STX2: variants seen among roughly 807,000 people sequenced by gnomAD.
STX2 encodes syntaxin-2.
In STX2, 27 loss-of-function variants were observed where a neutral mutation model predicts 40.6. That is an observed-to-expected ratio of 0.66 (90% CI 0.49 to 0.92). STX2 has a LOEUF of 0.92. Among genes scored for constraint, STX2 ranks in the 40% least tolerant of loss-of-function variants. The pLI, the probability that STX2 is intolerant of heterozygous loss-of-function variation, is 0.00. For missense variants in STX2, 328 were observed against 366.1 expected (o/e 0.90, Z 0.85); for synonymous variants, 123 against 119.1 (o/e 1.03, Z -0.22).
intron 10 of STX2, among the ~76,000 whole-genome samples, chr12:130,793,091 T>C (rs1360987873): frequency 6.6e-6 from 1 of 152,146 alleles, no homozygotes; most frequent in African/African-American, 2.4e-5. Context: ...ACCTAAGAAA[T>C]CCTGTTTGCT....
Position 130,801,182 on chromosome 12 carries a change from T to C in STX2, c.646A>G (p.Met216Val), listed in dbSNP as rs777817713. The C allele has an allele frequency of 5.0e-6, 8 of 1,613,810 alleles. No individual in the cohort carries two copies. The highest frequency in any genetic ancestry group is 1.3e-5 in the African/African-American group (1 of 75,058). Residue 216 changes from methionine to valine, a missense_variant, in exon 8 of 11, where the codon ATG becomes GTG. Transcript: ENST00000392373. ...TSIRELHEMF[M>V]DMAMFVETQG... is the part of the protein sequence containing the mutation. ...GTCTCCACAAACATAGCCATGTCCA[T>C]GAACATCTCATGCAACTCTCGGATG...
chr12:130,791,625 C>A lies in STX2; in HGVS notation c.*398G>T. On this transcript the variant is annotated 3_prime_UTR_variant, in exon 11 of 11. Coordinates refer to ENST00000392373, the MANE Select transcript of STX2 (RefSeq NM_194356.4). Reference sequence around the variant, plus strand: ...GAAATATTTTTAATATTAAAATGTTCAATATTTTCTTATTTCAAGGCCAGT... The same window carrying A: ...GAAATATTTTTAATATTAAAATGTTAAATATTTTCTTATTTCAAGGCCAGT... 3.6e-6 allele frequency: 1 copy of A among 278,780 alleles called. No individual in the cohort carries two copies. The highest frequency in any genetic ancestry group is 6.7e-6 in the Non-Finnish European group (1 of 150,252). The allele number at this position is 278,780 out of a possible 1,614,324, so 17.3% of individuals were successfully genotyped here. A position where few individuals can be genotyped will look rare whatever the true frequency, so the allele number is the denominator to read the frequency against.
chr12:130,825,313 A>G (rs533374419), intron 2 of STX2, among the ~76,000 whole-genome samples: 142 of 152,338 alleles, frequency 9.3e-4, no homozygotes, highest in African/African-American at 3.1e-3. Context: ...CTGGGAGCAC[A>G]GGCATGAGCC....
chr12:130,819,990 T>C (rs2136314486), intron 3 of STX2, among the ~76,000 whole-genome samples: 1 of 152,354 alleles, frequency 6.6e-6, no homozygotes, highest in East Asian at 1.9e-4. Context: ...ACAAGATACA[T>C]AAAATTTTAA....
At chr12:130,833,797 T>G (rs1952661103) in intron 1 of STX2, among the ~76,000 whole-genome samples, 1 of 152,204 alleles carries the variant, frequency 6.6e-6, no homozygotes. Flanking sequence ...AGACAACAGA[T>G]TCCAGTGGCA....
chr12:130,806,772 G>T (rs1044791574), intron 6 of STX2, among the ~76,000 whole-genome samples: 1 of 152,180 alleles, frequency 6.6e-6, no homozygotes, highest in South Asian at 2.1e-4. Flanking sequence ...ACAGCAATGA[G>T]CAAGGTAAAC....
At chr12:130,811,756 A>G (rs1951666716) in intron 4 of STX2, among the ~76,000 whole-genome samples, 1 of 151,998 alleles carries the variant, frequency 6.6e-6, no homozygotes, top group South Asian at 2.1e-4. Context: ...AGCCAGGATA[A>G]GTCTCGATCT....
Position 130,807,394 on chromosome 12 carries a change from GGCAGGTGGACCCCAGAGCCCGCGT to G in STX2, c.355-328_355-305del, listed in dbSNP as rs539076227. ...AAACACAGATCAGCACTGGGACCCA[GGCAGGTGGACCCCAGAGCCCGCGT>G]GCTTCATCGCCTTGTGCCCATGAGG... On this transcript the variant is annotated intron_variant, in intron 5 of 10. Transcript: ENST00000392373. Among the ~76,000 whole-genome samples the G allele has an allele frequency of 2.8e-3, 434 of 152,358 alleles. 2 individuals are homozygous for G. The highest frequency in any genetic ancestry group is 8.7e-3 in the African/African-American group (362 of 41,590).
chr12:130,826,485 G>GC (rs960010075), intron 2 of STX2, among the ~76,000 whole-genome samples: 4 of 152,182 alleles, frequency 2.6e-5, no homozygotes, highest in African/African-American at 7.2e-5. Context: ...TGCAGGCCCG[G>GC]CCCCAACCCA....
intron 6 of STX2, among the ~76,000 whole-genome samples, chr12:130,803,091 T>C (rs1296834694): frequency 6.6e-6 from 1 of 152,230 alleles, no homozygotes; most frequent in African/African-American, 2.4e-5. Context: ...TATTAAGAGA[T>C]TTACTTCTCA....
At chr12:130,819,917 A>G (rs2079553731) in intron 3 of STX2, among the ~76,000 whole-genome samples, 1 of 152,218 alleles carries the variant, frequency 6.6e-6, no homozygotes, top group Non-Finnish European at 1.5e-5. Context: ...CTCCAGAAAC[A>G]TTTTGGGAAA....
chr12:130,801,809 A>C (rs1475496284), intron 6 of STX2, among the ~76,000 whole-genome samples: 1 of 152,212 alleles, frequency 6.6e-6, no homozygotes, highest in Non-Finnish European at 1.5e-5. Flanking sequence ...ACTCCGCCTC[A>C]TGTAAAAGGG....
At chr12:130,832,597 G>A (rs924513167) in intron 1 of STX2, among the ~76,000 whole-genome samples, 2 of 152,158 alleles carry the variant, frequency 1.3e-5, no homozygotes, top group South Asian at 2.1e-4. Context: ...ACATGATCTC[G>A]CCCCAGGAAT....
chr12:130,797,519 C>T (rs1035461057), intron 9 of STX2, among the ~76,000 whole-genome samples: 1 of 152,040 alleles, frequency 6.6e-6, no homozygotes, highest in African/African-American at 2.4e-5. Context: ...TGTGCCCTGG[C>T]GGCTGAGCCT....
Position 130,828,637 on chromosome 12 carries a change from C to T in STX2, c.31-1370G>A, listed in dbSNP as rs545071603. The stretch of plus-strand genomic sequence containing the variant: ...ATCCCAGAACTTTGGGAGGCCGAGG[C>T]GGGTGGATCACGAGATCAGGAGATT... On this transcript the variant is annotated intron_variant, in intron 1 of 10. Transcript: ENST00000392373. Among the ~76,000 whole-genome samples the T allele has an allele frequency of 6.6e-5, 10 of 151,402 alleles. No individual in the cohort carries two copies. In the South Asian group the frequency reaches 1.9e-3, roughly 28 times the overall value.
At chr12:130,795,619 A>T (rs1466075508) in intron 10 of STX2, among the ~76,000 whole-genome samples, 1 of 152,212 alleles carries the variant, frequency 6.6e-6, no homozygotes, top group Non-Finnish European at 1.5e-5. Flanking sequence ...GCACGTCTGT[A>T]GTCCCAGCTA....
At chr12:130,818,936 G>C (rs1390871897) in intron 3 of STX2, among the ~76,000 whole-genome samples, 1 of 152,164 alleles carries the variant, frequency 6.6e-6, no homozygotes, top group African/African-American at 2.4e-5. Context: ...CTGGATCCGC[G>C]TCTTGGAGGG....
At chr12:130,811,268 G>T (rs1004741211) in intron 4 of STX2, among the ~76,000 whole-genome samples, 2 of 150,822 alleles carry the variant, frequency 1.3e-5, no homozygotes, top group African/African-American at 2.4e-5. Flanking sequence ...TGAGGCAGGA[G>T]AGTCGCTTGA....
chr12:130,806,590 C>A (rs1031490957), intron 6 of STX2, among the ~76,000 whole-genome samples: 2 of 152,170 alleles, frequency 1.3e-5, no homozygotes, highest in Admixed American at 1.3e-4. Flanking sequence ...CCATAGACAC[C>A]CCTGAAAAGA....
Sources: allele counts gnomAD v4.1 joint callset (sites outside exome capture counted in the v4.1 genomes callset), GRCh38; gene constraint gnomAD v4.1.1; transcripts MANE v1.5; gene names NCBI Gene and HGNC (gene_info 2026-07-23, HGNC 2026-07-21).